The following EPB41L4B variants were observed in gnomAD, a reference collection of about 807,000 sequenced individuals.
The protein encoded by EPB41L4B is band 4.1-like protein 4B.
Under a neutral mutation model 112.5 loss-of-function variants are expected in EPB41L4B, and 30 were observed. The observed-to-expected ratio is 0.27, with a 90% CI of 0.20 to 0.36. EPB41L4B has a LOEUF of 0.36. Among genes scored for constraint, EPB41L4B ranks in the 10% least tolerant of loss-of-function variants. EPB41L4B has a pLI of 1.00. For synonymous variants in EPB41L4B, 408 were observed against 439.7 expected (o/e 0.93, Z 0.90); for missense variants, 1,024 against 1,133.3 (o/e 0.90, Z 1.38).
At chr9:109,222,290 G>T (rs900416157) in intron 15 of EPB41L4B, among the ~76,000 whole-genome samples, 12 of 152,138 alleles carry the variant, frequency 7.9e-5, no homozygotes, top group African/African-American at 2.9e-4. Context: ...CAGGTGAAAG[G>T]TCTTTCGCAG....
chr9:109,234,873 A>C (rs1463417317), intron 15 of EPB41L4B, among the ~76,000 whole-genome samples: 1 of 152,204 alleles, frequency 6.6e-6, no homozygotes, highest in African/African-American at 2.4e-5. Context: ...CAAACAAACA[A>C]AAACAACAAC....
chr9:109,283,931 T>TAAAAAAAAA (rs200346279), intron 1 of EPB41L4B, among the ~76,000 whole-genome samples: 1 of 132,512 alleles, frequency 7.5e-6, no homozygotes, highest in Admixed American at 7.5e-5. Context: ...TACAAAAAAG[T>TAAAAAAAAA]AAAAAAAAAA....
rs143380714 is a variant in EPB41L4B, at chr9:109,179,676, C to T, written c.2488-2980G>A. The stretch of plus-strand genomic sequence containing the variant: ...AGTTTCTTTATCTCAGTGAATGGAC[C>T]CACTGTCCATCCACATTCTGCAAAT... On this transcript the variant is annotated intron_variant, in intron 24 of 25. Coordinates refer to ENST00000374566, the MANE Select transcript of EPB41L4B (RefSeq NM_019114.5). 4.0e-3 allele frequency among the ~76,000 whole-genome samples: 611 copies of T among 152,290 alleles called. 5 individuals carry two copies. The highest frequency in any genetic ancestry group is 0.014 in the African/African-American group (588 of 41,556).
intron 23 of EPB41L4B, among the ~76,000 whole-genome samples, chr9:109,184,433 G>A (rs1588118158): frequency 6.6e-6 from 1 of 152,146 alleles, no homozygotes; most frequent in East Asian, 1.9e-4. Context: ...TGGCCAGGCT[G>A]GACTCAAACT....
chr9:109,274,286 G>A (rs1282399225), intron 2 of EPB41L4B, among the ~76,000 whole-genome samples: 2 of 152,124 alleles, frequency 1.3e-5, no homozygotes, highest in African/African-American at 2.4e-5. Flanking sequence ...GAGAGGAAGG[G>A]AGGCTCCTGC....
At chr9:109,263,233 T>C in intron 5 of EPB41L4B, 131 bp from the exon 6 acceptor site, 2 of 666,412 alleles carry the variant, frequency 3.0e-6, no homozygotes, top group Non-Finnish European at 5.2e-6. Context: ...ATATTTTTGC[T>C]GTCTACATTA....
At chr9:109,281,678 C>T (rs923971305) in intron 1 of EPB41L4B, among the ~76,000 whole-genome samples, 2 of 146,818 alleles carry the variant, frequency 1.4e-5, no homozygotes, top group Non-Finnish European at 3.0e-5. Context: ...AGCGAGACTC[C>T]GTCTCATAAA....
chr9:109,250,480 A>ACC (rs929213104), intron 13 of EPB41L4B, among the ~76,000 whole-genome samples: 11 of 152,154 alleles, frequency 7.2e-5, no homozygotes, highest in Non-Finnish European at 1.6e-4. Context: ...AACCTGGCCT[A>ACC]CCTACCAGCG....
At chr9:109,244,711 C>T (rs1176819902) in intron 14 of EPB41L4B, among the ~76,000 whole-genome samples, 1 of 152,168 alleles carries the variant, frequency 6.6e-6, no homozygotes, top group Non-Finnish European at 1.5e-5. Context: ...CTTTCCACTT[C>T]TGGCCTGCAG....
intron 24 of EPB41L4B, among the ~76,000 whole-genome samples, chr9:109,179,368 A>C (rs1272129432): frequency 6.6e-6 from 1 of 152,210 alleles, no homozygotes; most frequent in Non-Finnish European, 1.5e-5. Flanking sequence ...GGAGAGGCCA[A>C]ACCTGCAGAA....
chr9:109,192,418 G>A, intron 21 of EPB41L4B, 63 bp from the exon 22 acceptor site: 1 of 1,318,160 alleles, frequency 7.6e-7, no homozygotes, highest in Non-Finnish European at 1.1e-6. Flanking sequence ...AAGTTCACCA[G>A]AAAAGACAGG....
At chr9:109,185,729 G>T in intron 22 of EPB41L4B, 124 bp from the exon 23 acceptor site, 1 of 682,538 alleles carries the variant, frequency 1.5e-6, no homozygotes, top group Non-Finnish European at 2.3e-6. Context: ...GGCAACTCCA[G>T]ACTGTTCTCA....
At chr9:109,217,321 A>G (rs1202122820) in intron 15 of EPB41L4B, among the ~76,000 whole-genome samples, 176 bp from the exon 16 acceptor site, 1 of 152,260 alleles carries the variant, frequency 6.6e-6, no homozygotes, top group Non-Finnish European at 1.5e-5. Flanking sequence ...AAAAGAGCAA[A>G]GTGGAAGTTT....
intron 15 of EPB41L4B, among the ~76,000 whole-genome samples, chr9:109,220,880 C>A (rs1428106843): frequency 6.6e-6 from 1 of 152,154 alleles, no homozygotes; most frequent in Non-Finnish European, 1.5e-5. Flanking sequence ...TGAAACATAA[C>A]CAGAGTATCC....
At position 109,185,613 on chromosome 9, in the gene EPB41L4B, C is replaced by A. The variant is rs753922043; in HGVS notation, c.2302-8G>T. On this transcript the variant is annotated splice_region_variant and splice_polypyrimidine_tract_variant and intron_variant, in intron 22 of 25. Coordinates refer to ENST00000374566, the MANE Select transcript of EPB41L4B (RefSeq NM_019114.5). ...GTTGCTGGCGGGCTCTGCCTGCTCA[C>A]GAGGAGAGGAGAGAAGGGGAGGAGG... The A allele has an allele frequency of 1.3e-6, 2 of 1,593,822 alleles. No homozygotes were observed. The highest frequency in any genetic ancestry group is 1.7e-5 in the Admixed American group (1 of 58,398).
chr9:109,206,873 G>T (rs565295499), intron 18 of EPB41L4B, among the ~76,000 whole-genome samples: 139 of 152,326 alleles, frequency 9.1e-4, no homozygotes, highest in African/African-American at 3.3e-3. Flanking sequence ...TCTGCTTCCT[G>T]CTCCTGCGAG....
chr9:109,271,562 T>C (rs1835620974), intron 2 of EPB41L4B, among the ~76,000 whole-genome samples: 1 of 152,238 alleles, frequency 6.6e-6, no homozygotes, highest in Non-Finnish European at 1.5e-5. Flanking sequence ...GACCACCTTG[T>C]GGCTTGAACG....
intron 24 of EPB41L4B, among the ~76,000 whole-genome samples, chr9:109,181,947 G>A (rs151294076): frequency 7.6e-4 from 115 of 152,294 alleles, no homozygotes; most frequent in Admixed American, 2.0e-3. Flanking sequence ...GGTGGCTCAC[G>A]CCTGTAATCC....
rs184403356 is a variant in EPB41L4B, at chr9:109,312,721, G to A, written c.306+7420C>T. Among the ~76,000 whole-genome samples, 387 of 152,174 alleles carry A rather than the reference G, an allele frequency of 2.5e-3. 1 individual carries two copies. Among genetic ancestry groups the A allele is most frequent in the African/African-American group, 6.1e-3 (255 of 41,504 alleles). ...AAGATAATCACCTAGATGGGGTCCC[G>A]ACATCATCTTCATTTCAAAGGCAAC... On this transcript the variant is annotated intron_variant, in intron 1 of 25. Transcript: ENST00000374566.
Sources: gnomAD v4.1 joint callset for allele counts (sites outside exome capture counted in the v4.1 genomes callset) on GRCh38, gnomAD v4.1.1 for gene constraint, MANE v1.5 for transcripts, NCBI Gene and HGNC (gene_info 2026-07-23, HGNC 2026-07-21) for gene names.